Variants in FAT3 observed in about 807,000 individuals in gnomAD.
FAT3 encodes the protein protocadherin Fat 3.
FAT3 carries 95 observed loss-of-function variants against 310.2 expected under a neutral mutation model. That is an observed-to-expected ratio of 0.31 (90% CI 0.26 to 0.36). The LOEUF is 0.36. Among genes scored for constraint, FAT3 ranks in the 10% least tolerant of loss-of-function variants. The pLI, the probability that FAT3 is intolerant of heterozygous loss-of-function variation, is 1.00. For missense variants in FAT3, 5,408 were observed against 5,715.6 expected (o/e 0.95, Z 1.74); for synonymous variants, 2,314 against 2,192.9 (o/e 1.06, Z -1.54).
At chr11:92,402,537 C>A (rs964443308) in intron 2 of FAT3, among the ~76,000 whole-genome samples, 1 of 151,636 alleles carries the variant, frequency 6.6e-6, no homozygotes, top group African/African-American at 2.4e-5. Flanking sequence ...CCAGACCAGC[C>A]TAGGAAACAT....
chr11:92,371,034 G>A (rs533615213), intron 2 of FAT3, among the ~76,000 whole-genome samples: 40 of 152,244 alleles, frequency 2.6e-4, no homozygotes, highest in African/African-American at 9.1e-4. Context: ...TAATAAGATG[G>A]ATTTCCTGAT....
At chr11:92,486,288 G>A (rs899520450) in intron 2 of FAT3, among the ~76,000 whole-genome samples, 8 of 151,626 alleles carry the variant, frequency 5.3e-5, no homozygotes, top group African/African-American at 7.3e-5. Flanking sequence ...TCTGAACTAC[G>A]TGTTCTGCCT....
chr11:92,299,433 A>G (rs548138905), intron 1 of FAT3, among the ~76,000 whole-genome samples: 1 of 152,244 alleles, frequency 6.6e-6, no homozygotes, highest in Admixed American at 6.5e-5. Context: ...CAAAGATGAC[A>G]TAGACTTTCT....
At chr11:92,643,068 A>G (rs961744948) in intron 3 of FAT3, among the ~76,000 whole-genome samples, 4 of 152,240 alleles carry the variant, frequency 2.6e-5, no homozygotes, top group South Asian at 2.1e-4. Context: ...CAACACAGAC[A>G]TGATTTCTTA....
intron 3 of FAT3, among the ~76,000 whole-genome samples, chr11:92,617,262 A>C (rs753999680): frequency 6.6e-6 from 1 of 151,956 alleles, no homozygotes; most frequent in Non-Finnish European, 1.5e-5. Context: ...CTTCCACTTG[A>C]TCAAATTAGC....
chr11:92,270,746 T>C (rs1343770922), intron 1 of FAT3, among the ~76,000 whole-genome samples: 3 of 152,030 alleles, frequency 2.0e-5, no homozygotes, highest in Admixed American at 6.6e-5. Context: ...ATATATCCAA[T>C]TGGACTCCCA....
At chr11:92,242,202 G>T (rs549514409) in intron 1 of FAT3, among the ~76,000 whole-genome samples, 1 of 152,016 alleles carries the variant, frequency 6.6e-6, no homozygotes, top group Non-Finnish European at 1.5e-5. Context: ...TTAAGGTATC[G>T]AATCAAACAC....
chr11:92,568,103 A>G (rs545424373), intron 3 of FAT3, among the ~76,000 whole-genome samples: 1 of 152,280 alleles, frequency 6.6e-6, no homozygotes, highest in African/African-American at 2.4e-5. Context: ...AATGTCTCCT[A>G]GGCCACCTGA....
intron 12 of FAT3, among the ~76,000 whole-genome samples, chr11:92,808,236 A>G (rs748242343): frequency 2.0e-5 from 3 of 152,228 alleles, no homozygotes; most frequent in Non-Finnish European, 4.4e-5. Flanking sequence ...AAGTTAACCA[A>G]TAATAACAAT....
intron 3 of FAT3, among the ~76,000 whole-genome samples, chr11:92,549,820 A>G (rs1252652459): frequency 2.0e-5 from 3 of 152,156 alleles, no homozygotes; most frequent in Non-Finnish European, 2.9e-5. Context: ...GTTTTTTTGT[A>G]CAATACACCG....
intron 3 of FAT3, among the ~76,000 whole-genome samples, chr11:92,600,405 T>C (rs1939958625): frequency 6.6e-6 from 1 of 152,316 alleles, no homozygotes; most frequent in Non-Finnish European, 1.5e-5. Flanking sequence ...CTTACGTTTC[T>C]ACAAATGAAA....
chr11:92,509,245 T>C (rs1156383654), intron 2 of FAT3, among the ~76,000 whole-genome samples: 1 of 152,198 alleles, frequency 6.6e-6, no homozygotes, highest in Non-Finnish European at 1.5e-5. Flanking sequence ...CAAAATGTGA[T>C]CTGAAACTGC....
chr11:92,824,783 T>G (rs1321383312), intron 13 of FAT3, among the ~76,000 whole-genome samples: 1 of 152,216 alleles, frequency 6.6e-6, no homozygotes, highest in Non-Finnish European at 1.5e-5. Flanking sequence ...CTGCCTTTTT[T>G]TTTTCCACAA....
At chr11:92,597,805 C>A (rs1324253946) in intron 3 of FAT3, among the ~76,000 whole-genome samples, 1 of 152,064 alleles carries the variant, frequency 6.6e-6, no homozygotes, top group Non-Finnish European at 1.5e-5. Context: ...TTTGAAATAG[C>A]AGAGTAGAAA....
chr11:92,455,378 A>G (rs765130501), intron 2 of FAT3, among the ~76,000 whole-genome samples: 2 of 151,974 alleles, frequency 1.3e-5, no homozygotes, highest in Non-Finnish European at 2.9e-5. Context: ...CATTAATCTT[A>G]CTCTACCAGG....
chr11:92,411,099 A>G (rs1015893533), intron 2 of FAT3, among the ~76,000 whole-genome samples: 1 of 69,204 alleles, frequency 1.4e-5, no homozygotes, highest in East Asian at 3.7e-4. Flanking sequence ...GATTATATAT[A>G]TTATATATAA....
rs368854153 is a variant in FAT3, at chr11:92,235,572, CTA to C, written c.-18+10400_-18+10401del. On this transcript the variant is annotated intron_variant, in intron 1 of 27. Coordinates refer to ENST00000525166, the MANE Select transcript of FAT3 (RefSeq NM_001367949.2). ...ATTTAATATTTAAAATTGAATGACT[CTA>C]TTTGTTTATGTTCAACTTGGTTAGT... Among the ~76,000 whole-genome samples, 1,066 of 152,076 alleles carry C rather than the reference CTA, an allele frequency of 7.0e-3. 15 individuals are homozygous for C. The highest frequency in any genetic ancestry group is 0.024 in the African/African-American group (1,008 of 41,452).
At chr11:92,625,579 AC>A (rs1941293266) in intron 3 of FAT3, among the ~76,000 whole-genome samples, 1 of 152,170 alleles carries the variant, frequency 6.6e-6, no homozygotes, top group Non-Finnish European at 1.5e-5. Context: ...CAAAGATGTT[AC>A]TGTCAAATTT....
At chr11:92,333,559 C>T (rs1311499356) in intron 1 of FAT3, among the ~76,000 whole-genome samples, 1 of 152,088 alleles carries the variant, frequency 6.6e-6, no homozygotes, top group South Asian at 2.1e-4. Flanking sequence ...TCAGAATCCC[C>T]TTATTTGGTG....
Sources: gnomAD v4.1 joint callset for allele counts (sites outside exome capture counted in the v4.1 genomes callset) on GRCh38, gnomAD v4.1.1 for gene constraint, MANE v1.5 for transcripts, NCBI Gene and HGNC (gene_info 2026-07-23, HGNC 2026-07-21) for gene names.